The following PRMT8 variants were observed in gnomAD, a reference collection of about 807,000 sequenced individuals.
PRMT8 encodes protein arginine N-methyltransferase 8.
Under a neutral mutation model 47.1 loss-of-function variants are expected in PRMT8, and 7 were observed. That is an observed-to-expected ratio of 0.15 (90% CI 0.08 to 0.28). The LOEUF is 0.28. Among genes scored for constraint, PRMT8 ranks in the 10% least tolerant of loss-of-function variants. PRMT8 has a pLI of 1.00. For missense variants in PRMT8, 237 were observed against 505.4 expected, an observed-to-expected ratio of 0.47 and a Z score of 5.09; for synonymous variants, 188 against 186.5, an observed-to-expected ratio of 1.01 and a Z score of -0.07.
intron 1 of PRMT8, among the ~76,000 whole-genome samples, chr12:3,423,849 AGTGAATT>A (rs1235895668): frequency 2.6e-4 from 39 of 152,300 alleles, no homozygotes; most frequent in Admixed American, 2.3e-3. Flanking sequence ...CTATGGGGTG[AGTGAATT>A]CTTTTCCTTC....
chr12:3,485,006 G>T (rs1185557093), intron 1 of PRMT8, among the ~76,000 whole-genome samples: 1 of 152,156 alleles, frequency 6.6e-6, no homozygotes, highest in Non-Finnish European at 1.5e-5. Flanking sequence ...ACAACCTCTG[G>T]AAGGAAAGGA....
At position 3,444,045 on chromosome 12, in the gene PRMT8, A is replaced by G. The variant is rs75576025; in HGVS notation, c.48+62603A>G. ...CATCTCCCTGTTATATTTTCATTAT[A>G]TTATGTACAACACCATCTAAAAGTC... On this transcript the variant is annotated intron_variant, in intron 1 of 9. Transcript: ENST00000452611. Among the ~76,000 whole-genome samples the G allele has an allele frequency of 3.5e-3, 536 of 152,342 alleles. 2 individuals carry two copies. The highest frequency in any genetic ancestry group is 0.012 in the African/African-American group (519 of 41,574).
intron 1 of PRMT8, among the ~76,000 whole-genome samples, chr12:3,445,360 A>G (rs1371930165): frequency 1.3e-5 from 2 of 152,236 alleles, no homozygotes; most frequent in African/African-American, 4.8e-5. Context: ...AGTTGATGCC[A>G]TAACCTTTGT....
intron 4 of PRMT8, among the ~76,000 whole-genome samples, chr12:3,558,301 A>C (rs371646818): frequency 2.0e-5 from 3 of 151,416 alleles, no homozygotes; most frequent in Non-Finnish European, 4.4e-5. Flanking sequence ...AATACTCAAT[A>C]TACAGAAAAG....
In PRMT8 at chr12:3,578,347, C is replaced by A. The variant is rs60190004; in HGVS notation, c.828+1361C>A. ...TCAGGTGATTTTCCTGTCTTAGCCTCCTGAGTAGCTGAAACTACGGCTACG... is the reference window on the plus strand; with the variant it reads ...TCAGGTGATTTTCCTGTCTTAGCCTACTGAGTAGCTGAAACTACGGCTACG... On this transcript the variant is annotated intron_variant, in intron 7 of 9. Transcript: ENST00000382622. Among the ~76,000 whole-genome samples, 705 of 152,246 alleles carry A rather than the reference C, an allele frequency of 4.6e-3. 7 individuals carry two copies. The highest frequency in any genetic ancestry group is 0.016 in the African/African-American group (677 of 41,544).
At chr12:3,524,399 C>T (rs200181056) in intron 1 of PRMT8, among the ~76,000 whole-genome samples, 4 of 152,232 alleles carry the variant, frequency 2.6e-5, no homozygotes, top group East Asian at 3.9e-4. Flanking sequence ...GCCCCTGCTT[C>T]GATAGCTGAT....
chr12:3,573,265 A>G (rs947038038), intron 6 of PRMT8, among the ~76,000 whole-genome samples: 3 of 152,088 alleles, frequency 2.0e-5, no homozygotes, highest in Non-Finnish European at 4.4e-5. Context: ...CATTCTGTTA[A>G]TAAGTTCATT....
At chr12:3,457,062 C>CTGTTG (rs1375323566) in intron 1 of PRMT8, among the ~76,000 whole-genome samples, 6 of 152,230 alleles carry the variant, frequency 3.9e-5, no homozygotes. Flanking sequence ...TAGAAGAGTG[C>CTGTTG]TGTTGTTTTG....
intron 1 of PRMT8, among the ~76,000 whole-genome samples, chr12:3,418,926 C>T (rs1310042021): frequency 6.6e-6 from 1 of 152,014 alleles, no homozygotes; most frequent in African/African-American, 2.4e-5. Context: ...AGAAAATGTA[C>T]CAAGATATTT....
intron 1 of PRMT8, among the ~76,000 whole-genome samples, chr12:3,401,881 A>G (rs377694257): frequency 6.6e-6 from 1 of 152,250 alleles, no homozygotes; most frequent in Non-Finnish European, 1.5e-5. Flanking sequence ...GGAGGAATCA[A>G]TATCGTGAAA....
chr12:3,513,185 G>T (rs1865738758), intron 1 of PRMT8, among the ~76,000 whole-genome samples: 1 of 152,102 alleles, frequency 6.6e-6, no homozygotes, highest in Admixed American at 6.5e-5. Context: ...TCTGTAAGGA[G>T]GTATCTTGCT....
At position 3,491,682 on chromosome 12, in the gene PRMT8, C is replaced by T; in HGVS notation, c.57C>T (p.Asn19=). The T allele has an allele frequency of 6.2e-7, 1 of 1,611,108 alleles. No homozygotes were observed. The highest frequency in any genetic ancestry group is 8.5e-7 in the Non-Finnish European group (1 of 1,179,610). ...TCCTGAGGAGGAAAATGGCGGAGAACGCGGCCGAGAGCACCGAGGTAAGGA... is the reference window on the plus strand; with the variant it reads ...TCCTGAGGAGGAAAATGGCGGAGAATGCGGCCGAGAGCACCGAGGTAAGGA... The part of the protein sequence containing the change: ...CLLLRRKMAE[N]AAESTEVNSP... The change falls in exon 1 of 10, where the codon AAC becomes AAT. Residue 19 remains asparagine, a synonymous_variant. Coordinates refer to ENST00000382622, the MANE Select transcript of PRMT8 (RefSeq NM_019854.5).
chr12:3,478,895 T>TA (rs1257747691), intron 1 of PRMT8, among the ~76,000 whole-genome samples: 2 of 152,186 alleles, frequency 1.3e-5, no homozygotes, highest in Non-Finnish European at 2.9e-5. Context: ...CAGTTAGTTT[T>TA]AAAAAATAAA....
At chr12:3,568,974 A>G (rs1042959575) in intron 5 of PRMT8, 126 bp downstream of exon 5, 1 of 1,292,122 alleles carries the variant, frequency 7.7e-7, no homozygotes. Context: ...CACTGCCCCA[A>G]GCCCCTCTCT....
At chr12:3,562,520 A>G (rs965618382) in intron 4 of PRMT8, among the ~76,000 whole-genome samples, 15 of 152,192 alleles carry the variant, frequency 9.9e-5, no homozygotes, top group African/African-American at 2.9e-4. Flanking sequence ...TTAGAAAAAA[A>G]CAGCATGGAA....
intron 1 of PRMT8, among the ~76,000 whole-genome samples, chr12:3,392,348 C>A (rs935410510): frequency 9.0e-5 from 13 of 143,806 alleles, no homozygotes; most frequent in Non-Finnish European, 1.7e-4. Context: ...TCTCCCAGTG[C>A]TATCCCTCCC....
At chr12:3,547,820 A>G (rs1238416680) in intron 2 of PRMT8, among the ~76,000 whole-genome samples, 2 of 152,234 alleles carry the variant, frequency 1.3e-5, no homozygotes, top group Non-Finnish European at 2.9e-5. Context: ...CAAAATTGCT[A>G]AAATGTCAGT....
chr12:3,435,085 G>A (rs1052169583), intron 1 of PRMT8, among the ~76,000 whole-genome samples: 12 of 150,090 alleles, frequency 8.0e-5, no homozygotes, highest in African/African-American at 2.7e-4. Flanking sequence ...TCTCCTGCCT[G>A]AGCCTCCCAA....
intron 2 of PRMT8, among the ~76,000 whole-genome samples, chr12:3,541,727 G>A (rs113452639): frequency 1.3e-5 from 2 of 152,202 alleles, no homozygotes; most frequent in African/African-American, 4.8e-5. Flanking sequence ...CCGGAAGGGT[G>A]TTTAGTAATA....
Sources: allele counts gnomAD v4.1 joint callset (sites outside exome capture counted in the v4.1 genomes callset), GRCh38; gene constraint gnomAD v4.1.1; transcripts MANE v1.5; gene names NCBI Gene and HGNC (gene_info 2026-07-23, HGNC 2026-07-21).